The following PTPRK variants were observed in gnomAD, a reference collection of about 807,000 sequenced individuals.
The protein encoded by PTPRK is protein tyrosine phosphatase receptor type K, also known as receptor-type tyrosine-protein phosphatase kappa.
Under a neutral mutation model 178.0 loss-of-function variants are expected in PTPRK, and 75 were observed. The ratio of observed to expected loss-of-function variants is 0.42; its 90% CI spans 0.35 to 0.51. PTPRK has a LOEUF of 0.51. PTPRK is among the 20% of genes least tolerant of loss of function. The pLI is 0.02. For missense variants in PTPRK, 1,441 were observed against 1,797.8 expected, an observed-to-expected ratio of 0.80 and a Z score of 3.59; for synonymous variants, 637 against 620.6, an observed-to-expected ratio of 1.03 and a Z score of -0.39.
intron 13 of PTPRK, among the ~76,000 whole-genome samples, chr6:128,042,789 C>T (rs2114842239): frequency 6.6e-6 from 1 of 152,134 alleles, no homozygotes; most frequent in Non-Finnish European, 1.5e-5. Flanking sequence ...ATCATGATTA[C>T]AAATAACTTA....
intron 13 of PTPRK, among the ~76,000 whole-genome samples, chr6:128,011,947 T>C (rs1180634252): frequency 6.6e-6 from 1 of 151,174 alleles, no homozygotes; most frequent in African/African-American, 2.4e-5. Context: ...AATTCACATT[T>C]ACCAAGTGGT....
intron 5 of PTPRK, among the ~76,000 whole-genome samples, chr6:128,235,191 T>A (rs1813012992): frequency 6.6e-6 from 1 of 152,078 alleles, no homozygotes; most frequent in African/African-American, 2.4e-5. Context: ...AATTCAAGAA[T>A]ATTAAAAACA....
intron 13 of PTPRK, among the ~76,000 whole-genome samples, chr6:128,018,824 A>T (rs1004018589): frequency 1.3e-5 from 2 of 151,542 alleles, no homozygotes; most frequent in Non-Finnish European, 2.9e-5. Context: ...TCTACTTTCT[A>T]AAAAAAACAG....
At chr6:128,068,798 A>T (rs920430040) in intron 11 of PTPRK, among the ~76,000 whole-genome samples, 1 of 151,710 alleles carries the variant, frequency 6.6e-6, no homozygotes, top group Non-Finnish European at 1.5e-5. Context: ...ATTCTGGAAA[A>T]ATATATGTGG....
intron 3 of PTPRK, among the ~76,000 whole-genome samples, chr6:128,268,654 AT>A (rs1474202859): frequency 6.6e-6 from 1 of 152,066 alleles, no homozygotes; most frequent in Non-Finnish European, 1.5e-5. Flanking sequence ...ATTTTTAACA[AT>A]TCATTTGTTT....
chr6:128,132,414 C>G (rs113906853), intron 7 of PTPRK, among the ~76,000 whole-genome samples: 2 of 152,146 alleles, frequency 1.3e-5, no homozygotes, highest in South Asian at 2.1e-4. Context: ...CCTCGTGATC[C>G]GCCCGCCTCG....
At chr6:128,493,815 C>G (rs1854258753) in intron 1 of PTPRK, among the ~76,000 whole-genome samples, 2 of 152,182 alleles carry the variant, frequency 1.3e-5, no homozygotes, top group Non-Finnish European at 2.9e-5. Flanking sequence ...CCAAAGGTAA[C>G]TGTCCCCTCA....
At chr6:128,405,617 C>CTTTGT (rs1014883995) in intron 1 of PTPRK, among the ~76,000 whole-genome samples, 5 of 152,192 alleles carry the variant, frequency 3.3e-5, no homozygotes, top group Non-Finnish European at 5.9e-5. Context: ...TTAAACATAT[C>CTTTGT]TTTGTTTTGT....
chr6:128,364,936 G>C (rs922682683), intron 2 of PTPRK, among the ~76,000 whole-genome samples: 3 of 152,008 alleles, frequency 2.0e-5, no homozygotes. Context: ...TATAAACAGT[G>C]CTGTAATAGA....
intron 1 of PTPRK, among the ~76,000 whole-genome samples, chr6:128,483,090 A>G (rs1852308116): frequency 1.3e-5 from 2 of 152,296 alleles, no homozygotes; most frequent in East Asian, 3.9e-4. Flanking sequence ...TAGTAATGCC[A>G]ACAACACTAG....
rs1438790827 is a variant in PTPRK at position 128,240,202 on chromosome 6, G to A, written c.578-52C>T. On this transcript the variant is annotated intron_variant, in intron 4 of 29. Transcript: ENST00000368226. ...ATTTGTTTTCACATGAAGAAAATAT[G>A]CCATGTTACTTTTCTCCAGCTGAAT... The A allele has an allele frequency of 4.6e-6, 6 of 1,305,498 alleles. No individual in the cohort carries two copies. The South Asian group carries it at 6.2e-5, about 13-fold the overall frequency. The allele number at this position is 1,305,498 out of a possible 1,614,324, so 80.9% of individuals were successfully genotyped here. A position where few individuals can be genotyped will look rare whatever the true frequency, so the allele number is the denominator to read the frequency against.
intron 2 of PTPRK, among the ~76,000 whole-genome samples, chr6:128,339,553 C>T (rs1831388233): frequency 6.6e-6 from 1 of 152,116 alleles, no homozygotes; most frequent in Admixed American, 6.6e-5. Flanking sequence ...AACTGACAAG[C>T]TGCTACAACA....
chr6:127,975,691 G>T (rs1774474531), intron 27 of PTPRK, among the ~76,000 whole-genome samples: 2 of 151,640 alleles, frequency 1.3e-5, no homozygotes, highest in Admixed American at 6.6e-5. Context: ...ATCTTTTTTT[G>T]GGGGACGAAG....
intron 8 of PTPRK, among the ~76,000 whole-genome samples, chr6:128,084,028 T>C (rs1254135286): frequency 1.3e-5 from 2 of 152,180 alleles, no homozygotes; most frequent in Non-Finnish European, 2.9e-5. Flanking sequence ...TATAAGGTTC[T>C]GATGCAGAAA....
intron 2 of PTPRK, among the ~76,000 whole-genome samples, chr6:128,328,883 T>G (rs1829908343): frequency 6.6e-6 from 1 of 152,218 alleles, no homozygotes; most frequent in Non-Finnish European, 1.5e-5. Context: ...TTTACAAATC[T>G]CTTTAGTATC....
chr6:128,133,926 T>C (rs1322935810), intron 7 of PTPRK, among the ~76,000 whole-genome samples: 1 of 152,160 alleles, frequency 6.6e-6, no homozygotes, highest in African/African-American at 2.4e-5. Flanking sequence ...CTCCTTATCT[T>C]TTATTTCCCC....
At chr6:128,424,116 C>CTGG (rs1843810543) in intron 1 of PTPRK, among the ~76,000 whole-genome samples, 1 of 151,592 alleles carries the variant, frequency 6.6e-6, no homozygotes, top group Non-Finnish European at 1.5e-5. Flanking sequence ...GCCTGTAGTC[C>CTGG]CAGTTACTTG....
At chr6:128,327,863 AT>A (rs141184493) in intron 2 of PTPRK, among the ~76,000 whole-genome samples, 8,283 of 152,306 alleles carry the variant, frequency 0.054, 285 homozygotes, top group Non-Finnish European at 0.069. Flanking sequence ...TGAGAATCAG[AT>A]TTCCTTAAAG....
At chr6:128,052,029 G>T (rs1416740166) in intron 13 of PTPRK, among the ~76,000 whole-genome samples, 1 of 151,940 alleles carries the variant, frequency 6.6e-6, no homozygotes, top group Non-Finnish European at 1.5e-5. Context: ...ATGTTAACTT[G>T]TACTCCACCA....
Sources: gnomAD v4.1 joint callset for allele counts (sites outside exome capture counted in the v4.1 genomes callset) on GRCh38, gnomAD v4.1.1 for gene constraint, MANE v1.5 for transcripts, NCBI Gene and HGNC (gene_info 2026-07-23, HGNC 2026-07-21) for gene names.